Variants in FHOD3 observed in about 807,000 individuals in gnomAD.
FHOD3 encodes the protein formin homology 2 domain containing 3.
In FHOD3, 90 loss-of-function variants were observed where a neutral mutation model predicts 173.0. The observed-to-expected ratio is 0.52, with a 90% CI of 0.44 to 0.62. The LOEUF (loss-of-function observed/expected upper bound fraction) is 0.62. FHOD3 is among the 20% of genes least tolerant of loss of function. The pLI, the probability that FHOD3 is intolerant of heterozygous loss-of-function variation, is 0.00. For synonymous variants in FHOD3, 828 were observed against 823.0 expected (o/e 1.01, Z -0.10); for missense variants, 1,945 against 2,034.7 (o/e 0.96, Z 0.85).
At chr18:36,467,438 G>A (rs908774599) in intron 3 of FHOD3, among the ~76,000 whole-genome samples, 1 of 152,128 alleles carries the variant, frequency 6.6e-6, no homozygotes, top group Non-Finnish European at 1.5e-5. Context: ...ATACCACCTT[G>A]TGGTTACCCT....
At chr18:36,695,683 G>A (rs978065496) in intron 17 of FHOD3, among the ~76,000 whole-genome samples, 1 of 152,206 alleles carries the variant, frequency 6.6e-6, no homozygotes, top group Non-Finnish European at 1.5e-5. Context: ...GACATCGCAA[G>A]TGTATGAAAA....
chr18:36,772,190 A>C (rs2043416521), intron 28 of FHOD3, among the ~76,000 whole-genome samples: 1 of 152,256 alleles, frequency 6.6e-6, no homozygotes, highest in Admixed American at 6.5e-5. Flanking sequence ...TACTATAACA[A>C]GTACAGCACA....
chr18:36,581,340 G>C (rs577633131), intron 6 of FHOD3, among the ~76,000 whole-genome samples: 1 of 152,328 alleles, frequency 6.6e-6, no homozygotes, highest in African/African-American at 2.4e-5. Flanking sequence ...CCAGCACAGA[G>C]AGTCTGTCTC....
chr18:36,560,226 G>C (rs1345811974), intron 5 of FHOD3, among the ~76,000 whole-genome samples: 1 of 152,144 alleles, frequency 6.6e-6, no homozygotes, highest in Non-Finnish European at 1.5e-5. Context: ...TAGTTAGTCT[G>C]GGCCTTGCAT....
At chr18:36,772,188 C>A (rs1267248940) in intron 28 of FHOD3, among the ~76,000 whole-genome samples, 1 of 152,182 alleles carries the variant, frequency 6.6e-6, no homozygotes, top group African/African-American at 2.4e-5. Context: ...GTTACTATAA[C>A]AAGTACAGCA....
intron 19 of FHOD3, among the ~76,000 whole-genome samples, chr18:36,721,047 C>T (rs1472318110): frequency 6.6e-6 from 1 of 152,212 alleles, no homozygotes; most frequent in Non-Finnish European, 1.5e-5. Context: ...CCAATTTGGT[C>T]CGTGATAATA....
chr18:36,481,793 T>A (rs1189302002), intron 3 of FHOD3, among the ~76,000 whole-genome samples: 1 of 152,164 alleles, frequency 6.6e-6, no homozygotes, highest in Non-Finnish European at 1.5e-5. Flanking sequence ...TAAAAGACAT[T>A]CCTTTGCCTC....
In FHOD3 at chr18:36,760,746, G is replaced by A. The variant is rs1440823844; in HGVS notation, c.4588G>A (p.Ala1530Thr). 4 of 1,612,392 alleles carry A rather than the reference G, an allele frequency of 2.5e-6. No individual in the cohort carries two copies. The highest frequency in any genetic ancestry group is 3.4e-6 in the Non-Finnish European group (4 of 1,179,810). ...CCCCTCCGTGGAGGACGCCACCCCC[G>A]CGCTGGGCGTCCGCACACGCAGCCG... ...SSPSVEDATP[A>T]LGVRTRSRAS... Residue 1530 changes from alanine (A) to threonine (T), a missense_variant, in exon 27 of 29, where the codon GCG (alanine) becomes ACG (threonine). This residue lies in a region of FHOD3 where 354 missense variants were observed against 359.9 expected (regional missense o/e 0.98). Coordinates refer to ENST00000590592, the MANE Select transcript of FHOD3 (RefSeq NM_001281740.3).
intron 4 of FHOD3, among the ~76,000 whole-genome samples, chr18:36,510,310 T>A (rs942603580): frequency 6.6e-6 from 1 of 152,238 alleles, no homozygotes; most frequent in Non-Finnish European, 1.5e-5. Context: ...TTCTTAATGC[T>A]CATATATTTT....
In FHOD3 at chr18:36,359,984, C is replaced by G. The variant is rs146482716; in HGVS notation, c.272+4339C>G. Reference sequence around the variant, plus strand: ...TAGACCCAGAGGATTCTATGCAGGTCAGGTGCCCTGAGATCTCAACTTTTA... The same window carrying G: ...TAGACCCAGAGGATTCTATGCAGGTGAGGTGCCCTGAGATCTCAACTTTTA... On this transcript the variant is annotated intron_variant, in intron 2 of 28. Coordinates refer to ENST00000590592, the MANE Select transcript of FHOD3 (RefSeq NM_001281740.3). Among the ~76,000 whole-genome samples the G allele has an allele frequency of 1.3e-4, 20 of 152,328 alleles. 1 individual carries two copies. The East Asian group carries it at 3.7e-3, about 28-fold the overall frequency.
chr18:36,655,745 CCACACACA>C (rs60138204), intron 13 of FHOD3, among the ~76,000 whole-genome samples: 1 of 137,846 alleles, frequency 7.3e-6, no homozygotes, highest in Non-Finnish European at 1.5e-5. Context: ...CCCTCACCCT[CCACACACA>C]CACACACACA....
At chr18:36,455,475 T>C (rs1357434291) in intron 3 of FHOD3, among the ~76,000 whole-genome samples, 2 of 152,308 alleles carry the variant, frequency 1.3e-5, no homozygotes, top group South Asian at 2.1e-4. Flanking sequence ...TATGGCAATC[T>C]ATTATGATTC....
intron 5 of FHOD3, among the ~76,000 whole-genome samples, chr18:36,571,807 C>G (rs922448903): frequency 1.3e-5 from 2 of 152,166 alleles, no homozygotes; most frequent in African/African-American, 4.8e-5. Context: ...AAAAATGAAC[C>G]TCAATCTATG....
rs571793302 is a variant in FHOD3, at chr18:36,484,386, G to T, written c.338-17546G>T. On this transcript the variant is annotated intron_variant, in intron 3 of 28. Transcript: ENST00000590592. The stretch of plus-strand genomic sequence containing the variant: ...CTCTCCCATGCCACATACCAGACTG[G>T]CCAGGGAGGAGCTGCTCTTGAAATT... 4.6e-5 allele frequency among the ~76,000 whole-genome samples: 7 copies of T among 152,264 alleles called. No individual in the cohort carries two copies. In the East Asian group the frequency reaches 1.4e-3, roughly 29 times the overall value.
intron 28 of FHOD3, among the ~76,000 whole-genome samples, chr18:36,771,144 C>T (rs60783808): frequency 0.042 from 6,401 of 152,206 alleles, 442 homozygotes; most frequent in African/African-American, 0.15. Flanking sequence ...TCAGACAATA[C>T]GTGTGTCTCC....
chr18:36,349,099 C>G (rs942071361), intron 1 of FHOD3, among the ~76,000 whole-genome samples: 1 of 152,170 alleles, frequency 6.6e-6, no homozygotes, highest in Non-Finnish European at 1.5e-5. Flanking sequence ...TCTCATGTGT[C>G]TATCATGTGG....
intron 6 of FHOD3, among the ~76,000 whole-genome samples, chr18:36,582,382 A>G (rs1006341918): frequency 8.5e-5 from 13 of 152,212 alleles, no homozygotes; most frequent in African/African-American, 1.7e-4. Context: ...AGAGATGGCA[A>G]TGTCATGTTA....
At chr18:36,675,663 A>G (rs1259542824) in intron 14 of FHOD3, among the ~76,000 whole-genome samples, 3 of 152,158 alleles carry the variant, frequency 2.0e-5, no homozygotes, top group Non-Finnish European at 4.4e-5. Context: ...GTAGGTCCTT[A>G]TCATACCTTA....
At chr18:36,695,424 A>G (rs1187994255) in intron 17 of FHOD3, among the ~76,000 whole-genome samples, 1 of 152,164 alleles carries the variant, frequency 6.6e-6, no homozygotes, top group East Asian at 1.9e-4. Flanking sequence ...AGACTGAGAG[A>G]ATGTTTGACC....
Sources: allele counts gnomAD v4.1 joint callset (sites outside exome capture counted in the v4.1 genomes callset), GRCh38; gene constraint gnomAD v4.1.1; regional missense constraint gnomAD v4.1.1; transcripts MANE v1.5; gene names NCBI Gene and HGNC (gene_info 2026-07-23, HGNC 2026-07-21).